Variants in SFMBT2 observed in about 807,000 individuals in gnomAD.
SFMBT2 encodes Scm like with four mbt domains 2, also known as scm-like with four MBT domains protein 2.
A neutral mutation model predicts 110.1 loss-of-function variants in SFMBT2; 38 were observed. The observed-to-expected ratio is 0.35, with a 90% confidence interval of 0.27 to 0.45. SFMBT2 has a LOEUF of 0.45. Ranked by LOEUF, SFMBT2 falls within the 20% of genes least tolerant of loss-of-function variation. The probability of loss-of-function intolerance (pLI) is 1.00; values close to 1 mark genes in which losing one functional copy is unlikely to be tolerated. For missense variants in SFMBT2, 1,011 were observed against 1,094.9 expected, an observed-to-expected ratio of 0.92 and a Z score of 1.08; for synonymous variants, 425 against 425.4, an observed-to-expected ratio of 1.00 and a Z score of 0.01.
Position 7,284,017 on chromosome 10 carries a change from T to C in SFMBT2, c.659A>G (p.Tyr220Cys), listed in dbSNP as rs757831169. The change falls in exon 6 of 21, where the codon TAT becomes TGT. Residue 220 changes from tyrosine (Y) to cysteine (C), a missense_variant. Tyr to Cys is a radical substitution (Grantham distance 194). Coordinates refer to ENST00000397167, the MANE Select transcript of SFMBT2 (RefSeq NM_001387889.1). ...ENVGGRLRLRYVGLEDTESYD... is the reference protein window; with the variant it reads ...ENVGGRLRLRCVGLEDTESYD... Reference sequence around the variant, plus strand: ...GGATTCAGTGTCCTCCAATCCCACATAGCGAAGGCGTAATCTTCCTCCAAC... The same window carrying C: ...GGATTCAGTGTCCTCCAATCCCACACAGCGAAGGCGTAATCTTCCTCCAAC... The C allele has an allele frequency of 6.2e-6, 10 of 1,614,040 alleles. No individual in the cohort carries two copies. Among genetic ancestry groups the C allele is most frequent in the Admixed American group, 1.7e-5 (1 of 60,024 alleles).
chr10:7,177,842 A>G (rs937167631), intron 16 of SFMBT2, among the ~76,000 whole-genome samples: 1 of 145,400 alleles, frequency 6.9e-6, no homozygotes, highest in Non-Finnish European at 1.5e-5. Context: ...TGGGCGACAC[A>G]GTGGGGCTCT....
intron 4 of SFMBT2, among the ~76,000 whole-genome samples, chr10:7,318,602 AG>A (rs1843082541): frequency 6.6e-6 from 1 of 152,262 alleles, no homozygotes; most frequent in African/African-American, 2.4e-5. Flanking sequence ...ATATGCCTTG[AG>A]CCACAATATG....
intron 16 of SFMBT2, among the ~76,000 whole-genome samples, chr10:7,177,837 G>A (rs12261138): frequency 0.011 from 1,677 of 149,490 alleles, 28 homozygotes; most frequent in African/African-American, 0.039. Context: ...CAGCCTGGGC[G>A]ACACAGTGGG....
intron 4 of SFMBT2, among the ~76,000 whole-genome samples, chr10:7,361,918 G>C (rs1844731481): frequency 6.6e-6 from 1 of 152,148 alleles, no homozygotes; most frequent in Non-Finnish European, 1.5e-5. Flanking sequence ...CCCAGCCCCA[G>C]ACATTAAGAG....
chr10:7,306,559 G>A (rs1842704176), intron 4 of SFMBT2, among the ~76,000 whole-genome samples: 1 of 152,178 alleles, frequency 6.6e-6, no homozygotes, highest in South Asian at 2.1e-4. Context: ...AACCCCCGCT[G>A]TAGAGTTTCC....
chr10:7,220,539 T>C lies in SFMBT2; in HGVS notation c.1204-2A>G. 6.2e-7 allele frequency: 1 copy of C among 1,613,988 alleles called. No homozygotes were observed. Among genetic ancestry groups the C allele is most frequent in the Non-Finnish European group, 8.5e-7 (1 of 1,179,952 alleles). ...TGTGAAACCTCGACTGAATGATGTC[T>C]GCAAGAGAAACGAGACCAACACTGA... On this transcript the variant is annotated splice_acceptor_variant, in intron 10 of 20. Coordinates refer to ENST00000397167, the MANE Select transcript of SFMBT2 (RefSeq NM_001387889.1). LOFTEE classifies it high-confidence loss of function.
chr10:7,322,465 G>A (rs1843222274), intron 4 of SFMBT2, among the ~76,000 whole-genome samples: 1 of 152,222 alleles, frequency 6.6e-6, no homozygotes, highest in African/African-American at 2.4e-5. Context: ...GGCGCTCCCA[G>A]CTGAAACTGA....
At chr10:7,353,559 C>A (rs1168994078) in intron 4 of SFMBT2, among the ~76,000 whole-genome samples, 1 of 151,198 alleles carries the variant, frequency 6.6e-6, no homozygotes, top group Non-Finnish European at 1.5e-5. Context: ...TTTGTGAAAA[C>A]TGGTCCTCAA....
intron 11 of SFMBT2, chr10:7,206,570 G>C (rs771809448): frequency 3.0e-6 from 3 of 985,246 alleles, no homozygotes; most frequent in Admixed American, 6.1e-5. Context: ...CTATGTCATA[G>C]AAAAGTCACT....
intron 11 of SFMBT2, chr10:7,214,663 G>A (rs1839471808): frequency 4.1e-6 from 4 of 985,378 alleles, no homozygotes; most frequent in African/African-American, 3.5e-5. Context: ...GTGCTTGTCA[G>A]TGTGGAATGT....
intron 16 of SFMBT2, among the ~76,000 whole-genome samples, chr10:7,188,085 T>C (rs1247986395): frequency 1.3e-5 from 2 of 152,204 alleles, no homozygotes; most frequent in Non-Finnish European, 2.9e-5. Context: ...AATGTCACCT[T>C]TCCAATTAGC....
chr10:7,167,961 A>G (rs1055514483), intron 20 of SFMBT2, among the ~76,000 whole-genome samples: 11 of 152,106 alleles, frequency 7.2e-5, no homozygotes, highest in Admixed American at 2.6e-4. Context: ...CCAGCTACTC[A>G]GGAGGCTGAG....
chr10:7,377,794 T>C (rs746270087), intron 2 of SFMBT2, among the ~76,000 whole-genome samples: 14 of 152,106 alleles, frequency 9.2e-5, no homozygotes, highest in African/African-American at 3.4e-4. Flanking sequence ...CCTCCTGTGG[T>C]GCAGCCCAGT....
At position 7,252,126 on chromosome 10, in the gene SFMBT2, C is replaced by T. The variant is rs1051062767; in HGVS notation, c.871-3477G>A. On this transcript the variant is annotated intron_variant, in intron 7 of 20. Transcript: ENST00000397167. Reference sequence around the variant, plus strand: ...CGCAGGCCCTCAACCTGACCTTGACCGCTGACTTGGAGTCTTTAGCCAAAT... The same window carrying T: ...CGCAGGCCCTCAACCTGACCTTGACTGCTGACTTGGAGTCTTTAGCCAAAT... Among the ~76,000 whole-genome samples, 16 of 152,308 alleles carry T rather than the reference C, an allele frequency of 1.1e-4. No individual in the cohort carries two copies. The East Asian group carries it at 1.9e-3, about 18-fold the overall frequency.
intron 16 of SFMBT2, among the ~76,000 whole-genome samples, chr10:7,184,008 A>G (rs181715219): frequency 6.6e-5 from 10 of 152,302 alleles, no homozygotes; most frequent in African/African-American, 2.4e-4. Context: ...CTCTGAACCT[A>G]AAGGAGTGGA....
intron 6 of SFMBT2, among the ~76,000 whole-genome samples, chr10:7,278,716 C>T (rs949775217): frequency 2.6e-5 from 4 of 152,134 alleles, no homozygotes; most frequent in Non-Finnish European, 5.9e-5. Context: ...ACACCTTTGG[C>T]CCCTTGCTTG....
chr10:7,228,700 TTTC>T (rs1839980983), intron 9 of SFMBT2, among the ~76,000 whole-genome samples: 1 of 132,786 alleles, frequency 7.5e-6, no homozygotes, highest in African/African-American at 2.9e-5. Context: ...TCTTTCTTTC[TTTC>T]TTTCTTTCTT....
chr10:7,254,145 C>T (rs886258603), intron 7 of SFMBT2, among the ~76,000 whole-genome samples: 6 of 152,166 alleles, frequency 3.9e-5, no homozygotes, highest in Admixed American at 1.3e-4. Flanking sequence ...ATTTATGCTA[C>T]GTGGCTCACC....
intron 2 of SFMBT2, among the ~76,000 whole-genome samples, chr10:7,376,380 G>A (rs1364303903): frequency 4.0e-5 from 6 of 151,892 alleles, no homozygotes; most frequent in Non-Finnish European, 8.8e-5. Context: ...ACAGGACTTG[G>A]GTGTCGGTTA....
Sources: allele counts gnomAD v4.1 joint callset (sites outside exome capture counted in the v4.1 genomes callset), GRCh38; gene constraint gnomAD v4.1.1; transcripts MANE v1.5; gene names NCBI Gene and HGNC (gene_info 2026-07-23, HGNC 2026-07-21).